The following MYRIP variants were observed in gnomAD, a reference collection of about 807,000 sequenced individuals.
MYRIP encodes myosin VIIA and Rab interacting protein.
A neutral mutation model predicts 98.0 loss-of-function variants in MYRIP; 49 were observed. That is an observed-to-expected ratio of 0.50 (90% CI 0.40 to 0.63). The LOEUF (loss-of-function observed/expected upper bound fraction) is 0.63. Ranked by LOEUF, MYRIP falls within the 30% of genes least tolerant of loss-of-function variation. The pLI is 0.00. For synonymous variants in MYRIP, 404 were observed against 409.5 expected (o/e 0.99, Z 0.16); for missense variants, 1,004 against 1,058.2 (o/e 0.95, Z 0.71).
intron 2 of MYRIP, among the ~76,000 whole-genome samples, chr3:39,939,564 T>C (rs536043447): frequency 6.6e-6 from 1 of 152,256 alleles, no homozygotes; most frequent in Admixed American, 6.5e-5. Context: ...GATAGGATAG[T>C]GGGTGGGATT....
chr3:40,050,698 T>A (rs1468776978), intron 3 of MYRIP, among the ~76,000 whole-genome samples: 1 of 152,124 alleles, frequency 6.6e-6, no homozygotes. Flanking sequence ...CTTGGCAAAG[T>A]AAATTGAAAA....
chr3:40,214,237 G>C (rs950603480), intron 11 of MYRIP, among the ~76,000 whole-genome samples: 1 of 152,170 alleles, frequency 6.6e-6, no homozygotes, highest in Admixed American at 6.5e-5. Flanking sequence ...GCTACTGATA[G>C]GCCTCATCTC....
intron 10 of MYRIP, among the ~76,000 whole-genome samples, chr3:40,205,498 A>G (rs1274188852): frequency 6.6e-6 from 1 of 152,162 alleles, no homozygotes; most frequent in African/African-American, 2.4e-5. Flanking sequence ...ACGTACAAAT[A>G]TCGATTTATA....
At chr3:40,063,537 G>A (rs1416838773) in intron 3 of MYRIP, among the ~76,000 whole-genome samples, 1 of 152,140 alleles carries the variant, frequency 6.6e-6, no homozygotes, top group Non-Finnish European at 1.5e-5. Flanking sequence ...TCTGGAGAAT[G>A]GTTTGTTCAA....
intron 4 of MYRIP, among the ~76,000 whole-genome samples, chr3:40,152,528 T>C (rs549952903): frequency 6.6e-6 from 1 of 152,228 alleles, no homozygotes; most frequent in Non-Finnish European, 1.5e-5. Flanking sequence ...AGTGGGCTAG[T>C]GCAGGGCTTT....
At chr3:40,190,493 A>C (rs1185312645) in intron 10 of MYRIP, 30 bp downstream of exon 10, 15 of 1,550,618 alleles carry the variant, frequency 9.7e-6, no homozygotes, top group Non-Finnish European at 1.2e-5. Context: ...GCAAATGCAC[A>C]CACACTCTTT....
chr3:40,244,007 T>C (rs942135985), intron 12 of MYRIP, among the ~76,000 whole-genome samples: 4 of 152,218 alleles, frequency 2.6e-5, no homozygotes, highest in Admixed American at 6.5e-5. Context: ...AATTTGTAAT[T>C]ATTTTAAATT....
At chr3:39,941,454 C>G (rs553045620) in intron 2 of MYRIP, among the ~76,000 whole-genome samples, 12 of 151,790 alleles carry the variant, frequency 7.9e-5, no homozygotes, top group African/African-American at 2.9e-4. Context: ...AACATCCAAA[C>G]TATATCGGGA....
At chr3:40,206,153 C>T (rs1370196690) in intron 10 of MYRIP, among the ~76,000 whole-genome samples, 1 of 152,110 alleles carries the variant, frequency 6.6e-6, no homozygotes, top group African/African-American at 2.4e-5. Flanking sequence ...CCCAACTTAG[C>T]ATTTATTGTC....
At chr3:40,205,169 G>C (rs763397289) in intron 10 of MYRIP, among the ~76,000 whole-genome samples, 3 of 152,106 alleles carry the variant, frequency 2.0e-5, no homozygotes, top group Non-Finnish European at 4.4e-5. Flanking sequence ...GAGGTGGGGG[G>C]TCAGAGGTCA....
intron 11 of MYRIP, among the ~76,000 whole-genome samples, chr3:40,214,505 C>T (rs1472458535): frequency 6.6e-6 from 1 of 152,218 alleles, no homozygotes; most frequent in Non-Finnish European, 1.5e-5. Flanking sequence ...CATATCCCTA[C>T]AGTTGGATTA....
intron 1 of MYRIP, among the ~76,000 whole-genome samples, chr3:39,825,712 C>T (rs9828346): frequency 0.64 from 97,471 of 152,008 alleles, 31,618 homozygotes; most frequent in African/African-American, 0.73. Flanking sequence ...TTAGAAAGAA[C>T]TCCTTATGCT....
At chr3:40,170,233 T>A in intron 8 of MYRIP, 140 bp downstream of exon 8, 1 of 1,088,758 alleles carries the variant, frequency 9.2e-7, no homozygotes, top group Non-Finnish European at 1.3e-6. Flanking sequence ...AAAGAGAAAG[T>A]GAGTGTGAGT....
rs1453882202 is a variant in MYRIP at position 40,259,044 on chromosome 3, G to GA, written c.*883dup. On this transcript the variant is annotated 3_prime_UTR_variant, in exon 17 of 17. Coordinates refer to ENST00000302541, the MANE Select transcript of MYRIP (RefSeq NM_015460.4). ...GTTTAGGTAAATGAATTATCGCAGA[G>GA]AAAAACCACATGAGAAAATTTTTGT... 6.6e-6 allele frequency: 1 copy of GA among 151,700 alleles called. No individual in the cohort carries two copies. The highest frequency in any genetic ancestry group is 1.9e-4 in the East Asian group (1 of 5,188). 9.4% of individuals were successfully genotyped at this position (151,700 alleles called of 1,614,324 possible).
At chr3:40,086,246 T>A (rs1217049917) in intron 3 of MYRIP, among the ~76,000 whole-genome samples, 6 of 152,218 alleles carry the variant, frequency 3.9e-5, no homozygotes, top group Non-Finnish European at 8.8e-5. Flanking sequence ...CCAGACTCCA[T>A]GACAATAACT....
At chr3:39,856,707 G>C (rs911992622) in intron 1 of MYRIP, among the ~76,000 whole-genome samples, 6 of 152,166 alleles carry the variant, frequency 3.9e-5, no homozygotes, top group Non-Finnish European at 7.3e-5. Context: ...AGCCTCACAT[G>C]CCCACAGAAA....
intron 2 of MYRIP, among the ~76,000 whole-genome samples, chr3:39,961,939 G>T (rs772515970): frequency 6.6e-6 from 1 of 152,070 alleles, no homozygotes; most frequent in South Asian, 2.1e-4. Context: ...CCTGGATGGC[G>T]CAGCAGGGTT....
At chr3:39,945,269 A>C (rs1208547119) in intron 2 of MYRIP, among the ~76,000 whole-genome samples, 1 of 147,874 alleles carries the variant, frequency 6.8e-6, no homozygotes, top group East Asian at 2.0e-4. Flanking sequence ...CAGGAGTTCA[A>C]GACTAGCCTG....
chr3:40,025,340 C>T (rs1325146915), intron 2 of MYRIP, among the ~76,000 whole-genome samples: 2 of 152,052 alleles, frequency 1.3e-5, no homozygotes, highest in African/African-American at 4.8e-5. Flanking sequence ...GTATCAAGGG[C>T]TCTGTTAGCC....
Sources: gnomAD v4.1 joint callset for allele counts (sites outside exome capture counted in the v4.1 genomes callset) on GRCh38, gnomAD v4.1.1 for gene constraint, MANE v1.5 for transcripts, NCBI Gene and HGNC (gene_info 2026-07-23, HGNC 2026-07-21) for gene names.